MAP6D1: variants seen among roughly 807,000 people sequenced by gnomAD.
MAP6D1 encodes the protein MAP6 domain-containing protein 1.
A neutral mutation model predicts 17.4 loss-of-function variants in MAP6D1; 13 were observed. That is an observed-to-expected ratio of 0.75 (90% CI 0.49 to 1.19). The LOEUF is 1.19. Ranked by LOEUF, MAP6D1 falls within the 50% of genes most tolerant of loss-of-function variation. MAP6D1 has a pLI of 0.00. For synonymous variants in MAP6D1, 141 were observed against 145.7 expected (o/e 0.97, Z 0.23); for missense variants, 313 against 312.6 (o/e 1.00, Z -0.01).
In MAP6D1 at chr3:183,817,401, G is replaced by A. The variant is rs1417342839; in HGVS notation, c.555C>T (p.Pro185=). The part of the protein sequence containing the change: ...PEVRKKFTPN[P]SAIFQASAPR... ...GAGCTGAGGCCTGAAAGATGGCGGAGGGGTTAGGAGTGAACTTCTTCCTCA... is the reference window on the plus strand; with the variant it reads ...GAGCTGAGGCCTGAAAGATGGCGGAAGGGTTAGGAGTGAACTTCTTCCTCA... Residue 185 remains proline, a synonymous_variant, in exon 3 of 3, where the codon CCC becomes CCT. Coordinates refer to ENST00000318631, the MANE Select transcript of MAP6D1 (RefSeq NM_024871.4). 1 of 1,570,172 alleles carries A rather than the reference G, an allele frequency of 6.4e-7. No individual in the cohort carries two copies. Among genetic ancestry groups the A allele is most frequent in the Non-Finnish European group, 8.6e-7 (1 of 1,157,364 alleles).
chr3:183,818,086 C>T lies in MAP6D1; in HGVS notation c.427G>A (p.Val143Met). ...YRQEFQAWTGVKPSRSTKTKP... is the reference protein window; with the variant it reads ...YRQEFQAWTGMKPSRSTKTKP... ...GTCTTTGTGGATCTTGAGGGCTTCA[C>T]TCCAGTCCAAGCCTGGAATTCCTGT... Residue 143 changes from valine (V) to methionine (M), a missense_variant, in exon 2 of 3, where the codon GTG (valine) becomes ATG (methionine). Physicochemically the swap from Val to Met is conservative, Grantham distance 21 (BLOSUM62 1). Coordinates refer to ENST00000318631, the MANE Select transcript of MAP6D1 (RefSeq NM_024871.4). The T allele has an allele frequency of 1.9e-6, 3 of 1,614,138 alleles. No homozygotes were observed. Among genetic ancestry groups the T allele is most frequent in the Non-Finnish European group, 2.5e-6 (3 of 1,180,010 alleles).
At position 183,816,810 on chromosome 3, in the gene MAP6D1, T is replaced by A; in HGVS notation, c.*546A>T. Reference sequence around the variant, plus strand: ...TGGAAGCCCGTGACTGACGGTCTGTTTCTTCTGGAAATTTCCTCCTGGATA... The same window carrying A: ...TGGAAGCCCGTGACTGACGGTCTGTATCTTCTGGAAATTTCCTCCTGGATA... On this transcript the variant is annotated 3_prime_UTR_variant, in exon 3 of 3. Transcript: ENST00000318631. 1 of 154,928 alleles carries A rather than the reference T, an allele frequency of 6.5e-6. No homozygotes were observed. The highest frequency in any genetic ancestry group is 1.4e-5 in the Non-Finnish European group (1 of 69,622). 9.6% of individuals were successfully genotyped at this position (154,928 alleles called of 1,614,324 possible).
chr3:183,825,398 C>T lies in MAP6D1; in HGVS notation c.150G>A (p.Arg50=), dbSNP rs1577254159. 2.1e-6 allele frequency: 3 copies of T among 1,446,916 alleles called. No homozygotes were observed. In the East Asian group the frequency reaches 9.2e-5, roughly 44 times the overall value. 89.6% of individuals were successfully genotyped at this position (1,446,916 alleles called of 1,614,324 possible). A position where few individuals can be genotyped will look rare whatever the true frequency, so the allele number is the denominator to read the frequency against. ...EPGTGGAASR[R]GQPPAGARDS... is the part of the protein sequence containing the mutation. The stretch of plus-strand genomic sequence containing the variant: ...CCCGGGCGCCCGCGGGAGGCTGGCC[C>T]CTGCGCGAGGCGGCGCCGCCCGTGC... The change falls in exon 1 of 3, where the codon AGG becomes AGA. Residue 50 remains arginine, a synonymous_variant. Transcript: ENST00000318631.
rs1375150743 is a variant in MAP6D1 at position 183,817,362 on chromosome 3, G to A, written c.594C>T (p.Asn198=). The part of the protein sequence containing the change: ...IFQASAPRIL[N]V ...GGTGTCACGGTGCAGGCAGTCACAC[G>A]TTGAGAATCCGGGGAGCTGAGGCCT... Residue 198 remains asparagine, a synonymous_variant, in exon 3 of 3, where the codon AAC becomes AAT. Coordinates refer to ENST00000318631, the MANE Select transcript of MAP6D1 (RefSeq NM_024871.4). 3.8e-6 allele frequency: 6 copies of A among 1,566,758 alleles called. No homozygotes were observed. Among genetic ancestry groups the A allele is most frequent in the African/African-American group, 2.7e-5 (2 of 74,128 alleles).
Position 183,825,242 on chromosome 3 carries a change from C to A in MAP6D1, c.306G>T (p.Ala102=), listed in dbSNP as rs1220261905. 17 of 1,382,970 alleles carry A rather than the reference C, an allele frequency of 1.2e-5. No homozygotes were observed. The highest frequency in any genetic ancestry group is 1.6e-5 in the Non-Finnish European group (17 of 1,068,718). 85.7% of individuals were successfully genotyped at this position (1,382,970 alleles called of 1,614,324 possible). Residue 102 remains alanine, a synonymous_variant, in exon 1 of 3, where the codon GCG becomes GCT. Coordinates refer to ENST00000318631, the MANE Select transcript of MAP6D1 (RefSeq NM_024871.4). ...CGGGCGCAGGTGGCGCGGAGGACTG[C>A]GCGGAGGATTTGCCCCTGCGGCCGC... ...GAGGRRGKSS[A]QSSAPPAPGA...
Position 183,825,413 on chromosome 3 carries a change from G to A in MAP6D1, c.135C>T (p.Gly45=), listed in dbSNP as rs1461199373. 2.1e-6 allele frequency: 3 copies of A among 1,440,038 alleles called. No individual in the cohort carries two copies. The South Asian group carries it at 4.2e-5, about 20-fold the overall frequency. 89.2% of individuals were successfully genotyped at this position (1,440,038 alleles called of 1,614,324 possible). ...GAGGCTGGCCCCTGCGCGAGGCGGC[G>A]CCGCCCGTGCCCGGCTCCTCGCTGT... is the stretch of plus-strand genomic sequence containing the variant. ...DLDSEEPGTG[G]AASRRGQPPA... is the part of the protein sequence containing the mutation. The change falls in exon 1 of 3, where the codon GGC becomes GGT. Residue 45 remains glycine (G), a synonymous_variant. Transcript: ENST00000318631.
chr3:183,825,273 C>T lies in MAP6D1; in HGVS notation c.275G>A (p.Gly92Glu), dbSNP rs1414951131. 1.3e-5 allele frequency: 18 copies of T among 1,344,026 alleles called. No homozygotes were observed. The highest frequency in any genetic ancestry group is 1.7e-5 in the Non-Finnish European group (18 of 1,050,020). The allele number at this position is 1,344,026 out of a possible 1,614,324, so 83.3% of individuals were successfully genotyped here. Residue 92 changes from glycine to glutamate, a missense_variant, in exon 1 of 3, where the codon GGG becomes GAG. Transcript: ENST00000318631. The stretch of plus-strand genomic sequence containing the variant: ...GGATTTGCCCCTGCGGCCGCCCGCC[C>T]CCGGTCCGCGCCCCGGCGGCGGATC... Reference protein sequence around the residue: ...PKDPPPGRGPGAGGRRGKSSA... With the variant: ...PKDPPPGRGPEAGGRRGKSSA...
intron 1 of MAP6D1, among the ~76,000 whole-genome samples, chr3:183,821,541 CTTTTTT>C (rs59131602): frequency 3.1e-5 from 3 of 98,122 alleles, no homozygotes; most frequent in Admixed American, 2.6e-4. Context: ...TGAGGGATTG[CTTTTTT>C]TTTTTTTTTT....
intron 1 of MAP6D1, among the ~76,000 whole-genome samples, chr3:183,821,749 GCTGGTCTCGAACTTGGGAT>G (rs1727264229): frequency 6.6e-6 from 1 of 151,950 alleles, no homozygotes. Flanking sequence ...TGTTGGCCAG[GCTGGTCTCGAACTTGGGAT>G]CTGCCCATCT....
chr3:183,821,073 GAC>G (rs774886019), intron 1 of MAP6D1, among the ~76,000 whole-genome samples: 8 of 149,298 alleles, frequency 5.4e-5, no homozygotes, highest in Non-Finnish European at 8.9e-5. Flanking sequence ...CCAGCCTGGT[GAC>G]AGAGTGAGAC....
chr3:183,821,541 C>CTTTTT (rs59131602), intron 1 of MAP6D1, among the ~76,000 whole-genome samples: 34 of 98,126 alleles, frequency 3.5e-4, no homozygotes, highest in East Asian at 6.6e-4. Flanking sequence ...TGAGGGATTG[C>CTTTTT]TTTTTTTTTT....
In MAP6D1 at chr3:183,816,863, G is replaced by A. The variant is rs1339386637; in HGVS notation, c.*493C>T. 1 of 163,104 alleles carries A rather than the reference G, an allele frequency of 6.1e-6. No individual in the cohort carries two copies. The highest frequency in any genetic ancestry group is 1.3e-5 in the Non-Finnish European group (1 of 74,206). The allele number at this position is 163,104 out of a possible 1,614,324, so 10.1% of individuals were successfully genotyped here. A position where few individuals can be genotyped will look rare whatever the true frequency, so the allele number is the denominator to read the frequency against. ...CAGCATCACCATGAGTCATGCAGGT[G>A]ACGGCCCAAGATTCCAACAGCTTCA... On this transcript the variant is annotated 3_prime_UTR_variant, in exon 3 of 3. Transcript: ENST00000318631.
chr3:183,818,246 C>A, intron 1 of MAP6D1, 135 bp from the exon 2 acceptor site: 7 of 728,886 alleles, frequency 9.6e-6, no homozygotes, highest in Middle Eastern at 2.4e-4. Flanking sequence ...TCCTCATCAT[C>A]TTCCCAAAGA....
chr3:183,820,821 G>T lies in MAP6D1; in HGVS notation c.402-2710C>A, dbSNP rs577001455. 2.7e-5 allele frequency among the ~76,000 whole-genome samples: 4 copies of T among 150,014 alleles called. No individual in the cohort carries two copies. The East Asian group carries it at 7.9e-4, about 30-fold the overall frequency. ...ACTCGGGAGGCTGAGGCAGGAGAAT[G>T]GCGTGAACCCGGGAGGCGGAGGTTG... On this transcript the variant is annotated intron_variant, in intron 1 of 2. Coordinates refer to ENST00000318631, the MANE Select transcript of MAP6D1 (RefSeq NM_024871.4).
intron 2 of MAP6D1, 108 bp downstream of exon 2, chr3:183,817,886 G>C (rs1189123453): frequency 1.1e-6 from 1 of 883,248 alleles, no homozygotes; most frequent in African/African-American, 1.7e-5. Flanking sequence ...TGGCACTGCT[G>C]TCCCTGGTCA....
chr3:183,818,986 C>G (rs976954094), intron 1 of MAP6D1, among the ~76,000 whole-genome samples: 2 of 152,250 alleles, frequency 1.3e-5, no homozygotes. Context: ...CTACCCACTC[C>G]TCTGCAAGAT....
At chr3:183,818,281 C>G (rs1727166546) in intron 1 of MAP6D1, among the ~76,000 whole-genome samples, 170 bp from the exon 2 acceptor site, 1 of 152,234 alleles carries the variant, frequency 6.6e-6, no homozygotes, top group Non-Finnish European at 1.5e-5. Flanking sequence ...CAAGTGCACT[C>G]CCGTGCAGGC....
chr3:183,825,353 C>A lies in MAP6D1; in HGVS notation c.195G>T (p.Pro65=). The change falls in exon 1 of 3, where the codon CCG becomes CCT. Residue 65 remains proline (P), a synonymous_variant. Transcript: ENST00000318631. The part of the protein sequence containing the change: ...AGARDSGRDV[P]LTQYQRDFGL... The stretch of plus-strand genomic sequence containing the variant: ...CGAAGTCCCGCTGGTACTGAGTGAG[C>A]GGCACGTCCCGGCCGGAATCCCGGG... The A allele has an allele frequency of 2.1e-6, 3 of 1,437,062 alleles. No homozygotes were observed. Among genetic ancestry groups the A allele is most frequent in the Non-Finnish European group, 2.7e-6 (3 of 1,096,254 alleles). The allele number at this position is 1,437,062 out of a possible 1,614,324, so 89.0% of individuals were successfully genotyped here.
At chr3:183,821,926 G>A (rs1254032778) in intron 1 of MAP6D1, among the ~76,000 whole-genome samples, 1 of 152,062 alleles carries the variant, frequency 6.6e-6, no homozygotes, top group Non-Finnish European at 1.5e-5. Context: ...CTCCCAAAAT[G>A]CTGGGATTAC....
Sources: allele counts gnomAD v4.1 joint callset (sites outside exome capture counted in the v4.1 genomes callset), GRCh38; gene constraint gnomAD v4.1.1; transcripts MANE v1.5; gene names NCBI Gene and HGNC (gene_info 2026-07-23, HGNC 2026-07-21).